Variants in ADAM10 observed in about 807,000 individuals in gnomAD.
ADAM10 encodes the protein disintegrin and metalloproteinase domain-containing protein 10.
In ADAM10, 17 loss-of-function variants were observed where a neutral mutation model predicts 90.1. The observed-to-expected ratio is 0.19, with a 90% CI of 0.13 to 0.28. ADAM10 has a LOEUF of 0.28. ADAM10 is among the 10% of genes least tolerant of loss of function. The pLI is 1.00. For synonymous variants in ADAM10, 310 were observed against 298.6 expected (o/e 1.04, Z -0.40); for missense variants, 610 against 914.3 (o/e 0.67, Z 4.29).
intron 5 of ADAM10, among the ~76,000 whole-genome samples, chr15:58,647,686 G>T (rs538236774): frequency 6.6e-6 from 1 of 152,010 alleles, no homozygotes; most frequent in African/African-American, 2.4e-5. Context: ...GTAGCTGGGG[G>T]ACTACAAGCA....
intron 2 of ADAM10, among the ~76,000 whole-genome samples, chr15:58,708,852 T>C (rs1595642292): frequency 6.6e-6 from 1 of 152,228 alleles, no homozygotes; most frequent in East Asian, 1.9e-4. Flanking sequence ...ACAACTTTAT[T>C]CCTGCATACA....
intron 5 of ADAM10, among the ~76,000 whole-genome samples, chr15:58,651,862 C>T (rs1896696893): frequency 6.6e-6 from 1 of 152,192 alleles, no homozygotes; most frequent in African/African-American, 2.4e-5. Flanking sequence ...TGCATTCCCA[C>T]CAACAGTGTG....
chr15:58,720,304 A>C (rs1898803688), intron 1 of ADAM10, among the ~76,000 whole-genome samples: 1 of 152,188 alleles, frequency 6.6e-6, no homozygotes, highest in South Asian at 2.1e-4. Flanking sequence ...AACTATCTTC[A>C]CAAGTAGCAA....
intron 2 of ADAM10, chr15:58,698,406 TAAAA>T (rs56797082): frequency 3.6e-4 from 73 of 201,604 alleles, no homozygotes; most frequent in South Asian, 5.4e-4. Flanking sequence ...ACCCCATCTC[TAAAA>T]AAAAAAAAAA....
At chr15:58,696,224 T>C (rs928026979) in intron 2 of ADAM10, among the ~76,000 whole-genome samples, 3 of 151,436 alleles carry the variant, frequency 2.0e-5, no homozygotes, top group African/African-American at 7.3e-5. Flanking sequence ...GAGGCAGAGG[T>C]TGCAGTGGGC....
At chr15:58,614,719 G>A (rs1409974810) in intron 11 of ADAM10, among the ~76,000 whole-genome samples, 3 of 152,084 alleles carry the variant, frequency 2.0e-5, no homozygotes, top group African/African-American at 4.8e-5. Context: ...CCACTAGACT[G>A]ACCCTACAAG....
intron 5 of ADAM10, among the ~76,000 whole-genome samples, chr15:58,646,868 CAA>C (rs1238648734): frequency 2.0e-5 from 3 of 152,172 alleles, no homozygotes; most frequent in Non-Finnish European, 4.4e-5. Context: ...CATTACTTCA[CAA>C]AGAGACCCTA....
At chr15:58,683,751 T>C (rs557539817) in intron 2 of ADAM10, among the ~76,000 whole-genome samples, 1 of 145,776 alleles carries the variant, frequency 6.9e-6, no homozygotes, top group Admixed American at 7.1e-5. Flanking sequence ...TCCCAGCTAC[T>C]GGGGAGGCTG....
chr15:58,659,859 G>C (rs1189708340), intron 5 of ADAM10, among the ~76,000 whole-genome samples: 1 of 152,174 alleles, frequency 6.6e-6, no homozygotes, highest in East Asian at 1.9e-4. Context: ...CTCCCCAGTA[G>C]CTGGGACTAC....
At chr15:58,689,584 T>TA (rs1470478717) in intron 2 of ADAM10, among the ~76,000 whole-genome samples, 1 of 151,654 alleles carries the variant, frequency 6.6e-6, no homozygotes, top group Non-Finnish European at 1.5e-5. Context: ...CTACAGCCAA[T>TA]AAAAAAGATC....
chr15:58,713,563 G>GTAT (rs1898545305), intron 2 of ADAM10, among the ~76,000 whole-genome samples: 1 of 152,128 alleles, frequency 6.6e-6, no homozygotes, highest in Admixed American at 6.5e-5. Flanking sequence ...ATACAGCATT[G>GTAT]CTAAGTGAGC....
chr15:58,685,317 C>T (rs1596065806), intron 2 of ADAM10, among the ~76,000 whole-genome samples: 2 of 150,726 alleles, frequency 1.3e-5, no homozygotes, highest in East Asian at 1.9e-4. Flanking sequence ...AAAAATTAGC[C>T]GGGCGTGGTG....
In ADAM10 at chr15:58,682,330, G is replaced by A; in HGVS notation, c.207-16C>T. 1 of 1,606,678 alleles carries A rather than the reference G, an allele frequency of 6.2e-7. No individual in the cohort carries two copies. Among genetic ancestry groups the A allele is most frequent in the Non-Finnish European group, 8.5e-7 (1 of 1,177,628 alleles). On this transcript the variant is annotated splice_polypyrimidine_tract_variant and intron_variant, in intron 2 of 15. Transcript: ENST00000260408. ...GTTGAAATGTCTGTAAAATGGGATGGGAAGGGGGAACAACTGAAATTAAAA... is the reference window on the plus strand; with the variant it reads ...GTTGAAATGTCTGTAAAATGGGATGAGAAGGGGGAACAACTGAAATTAAAA...
At chr15:58,730,358 C>T (rs1222382815) in intron 1 of ADAM10, among the ~76,000 whole-genome samples, 1 of 152,242 alleles carries the variant, frequency 6.6e-6, no homozygotes, top group Non-Finnish European at 1.5e-5. Flanking sequence ...GTTTTTACAA[C>T]ACTGCTATGC....
intron 11 of ADAM10, among the ~76,000 whole-genome samples, chr15:58,612,678 C>T (rs1895478303): frequency 1.3e-5 from 2 of 152,174 alleles, no homozygotes; most frequent in African/African-American, 2.4e-5. Flanking sequence ...CCTATTGGCT[C>T]AGGCTCCGAA....
chr15:58,705,028 T>C (rs1254950682), intron 2 of ADAM10, among the ~76,000 whole-genome samples: 9 of 152,166 alleles, frequency 5.9e-5, no homozygotes, highest in African/African-American at 1.4e-4. Flanking sequence ...AAGTAAGATA[T>C]AGAAATAAAA....
intron 2 of ADAM10, among the ~76,000 whole-genome samples, chr15:58,689,545 C>G (rs1897715962): frequency 6.6e-6 from 1 of 151,416 alleles, no homozygotes; most frequent in Admixed American, 6.6e-5. Flanking sequence ...TTTTTTAATG[C>G]TGAAAGAAAA....
intron 1 of ADAM10, among the ~76,000 whole-genome samples, chr15:58,726,779 T>C (rs1249412354): frequency 3.3e-5 from 5 of 151,348 alleles, no homozygotes; most frequent in Non-Finnish European, 7.4e-5. Flanking sequence ...GTGGGAGGAC[T>C]GCTTGAGCCC....
chr15:58,620,136 A>G lies in ADAM10; in HGVS notation c.1511+1335T>C, dbSNP rs547723721. On this transcript the variant is annotated intron_variant, in intron 11 of 15. Transcript: ENST00000260408. ...TCGCTTTCTCTCCCATTTTCATACT[A>G]AAATCAAACTAGGATATACAGACCA... 3.2e-4 allele frequency among the ~76,000 whole-genome samples: 48 copies of G among 152,196 alleles called. 1 individual carries two copies. In the South Asian group the frequency reaches 8.9e-3, roughly 28 times the overall value.
Sources: allele counts gnomAD v4.1 joint callset (sites outside exome capture counted in the v4.1 genomes callset), GRCh38; gene constraint gnomAD v4.1.1; transcripts MANE v1.5; gene names NCBI Gene and HGNC (gene_info 2026-07-23, HGNC 2026-07-21).